Variants in PIK3CB observed in about 807,000 individuals in gnomAD.
PIK3CB encodes phosphatidylinositol 4,5-bisphosphate 3-kinase catalytic subunit beta isoform.
In PIK3CB, 39 loss-of-function variants were observed where a neutral mutation model predicts 136.8. The ratio of observed to expected loss-of-function variants is 0.29; its 90% CI spans 0.22 to 0.37. The LOEUF is 0.37. Among genes scored for constraint, PIK3CB ranks in the 10% least tolerant of loss-of-function variants. The pLI, the probability that PIK3CB is intolerant of heterozygous loss-of-function variation, is 1.00. For missense variants in PIK3CB, 868 were observed against 1,275.4 expected (o/e 0.68, Z 4.87); for synonymous variants, 428 against 436.6 (o/e 0.98, Z 0.25).
chr3:138,821,211 G>C (rs1013356330), intron 1 of PIK3CB, among the ~76,000 whole-genome samples: 9 of 151,774 alleles, frequency 5.9e-5, no homozygotes, highest in South Asian at 2.1e-4. Context: ...TTGAACCCGG[G>C]AGTCGGAAGT....
At chr3:138,730,745 A>G (rs1051321284) in intron 8 of PIK3CB, among the ~76,000 whole-genome samples, 1 of 152,138 alleles carries the variant, frequency 6.6e-6, no homozygotes, top group Non-Finnish European at 1.5e-5. Flanking sequence ...CAACATAGCA[A>G]GACCCTATCT....
At chr3:138,685,949 C>T (rs1049237427) in intron 16 of PIK3CB, among the ~76,000 whole-genome samples, 1 of 152,026 alleles carries the variant, frequency 6.6e-6, no homozygotes. Context: ...CCAGCCTGGC[C>T]AACATGGAGA....
chr3:138,693,966 T>TATATGTATATA (rs1457395869), intron 14 of PIK3CB, among the ~76,000 whole-genome samples: 2 of 42,406 alleles, frequency 4.7e-5, no homozygotes, highest in African/African-American at 2.7e-4. Context: ...TATATATATA[T>TATATGTATATA]TATATATATA....
chr3:138,719,778 AT>A (rs898405431), intron 8 of PIK3CB, among the ~76,000 whole-genome samples: 2 of 152,126 alleles, frequency 1.3e-5, no homozygotes, highest in Admixed American at 1.3e-4. Context: ...GAAATAATCA[AT>A]TTCATAGCTT....
chr3:138,668,880 C>T (rs2043468680), intron 19 of PIK3CB, among the ~76,000 whole-genome samples: 1 of 152,132 alleles, frequency 6.6e-6, no homozygotes, highest in Non-Finnish European at 1.5e-5. Flanking sequence ...CACCCTGCTT[C>T]TATGTGTATA....
intron 2 of PIK3CB, among the ~76,000 whole-genome samples, chr3:138,791,900 C>T (rs570195210): frequency 2.2e-4 from 34 of 152,286 alleles, no homozygotes; most frequent in African/African-American, 7.7e-4. Context: ...ACCTTAATGA[C>T]AATGGCAAAC....
Position 138,823,355 on chromosome 3 carries a change from G to GTATAA in PIK3CB, c.-122+11335_-122+11339dup, listed in dbSNP as rs1325136485. Among the ~76,000 whole-genome samples, 4 of 151,518 alleles carry GTATAA rather than the reference G, an allele frequency of 2.6e-5. No individual in the cohort carries two copies. In the East Asian group the frequency reaches 7.8e-4, roughly 29 times the overall value. ...ATTTAATGAAATATGAATAGTTATT[G>GTATAA]TATAACTATGAACACGTAACTTGTC... On this transcript the variant is annotated intron_variant, in intron 1 of 23. Coordinates refer to ENST00000674063, the MANE Select transcript of PIK3CB (RefSeq NM_006219.3).
chr3:138,687,095 A>G (rs2043910186), intron 16 of PIK3CB, among the ~76,000 whole-genome samples: 1 of 152,174 alleles, frequency 6.6e-6, no homozygotes, highest in African/African-American at 2.4e-5. Context: ...ACTTCCTGGA[A>G]CAGTGTCCTG....
intron 18 of PIK3CB, 74 bp from the exon 19 acceptor site, chr3:138,682,119 C>T: frequency 1.2e-6 from 1 of 836,322 alleles, no homozygotes; most frequent in Non-Finnish European, 2.0e-6. Context: ...TCAAGACTAA[C>T]TCAGAATTAA....
intron 2 of PIK3CB, among the ~76,000 whole-genome samples, chr3:138,768,007 A>C (rs900807161): frequency 3.3e-5 from 5 of 152,212 alleles, no homozygotes; most frequent in African/African-American, 9.6e-5. Context: ...CCAAGAATGA[A>C]GTACGCAGCC....
At chr3:138,734,935 G>T in intron 6 of PIK3CB, 131 bp from the exon 7 acceptor site, 14 of 366,294 alleles carry the variant, frequency 3.8e-5, no homozygotes, top group Non-Finnish European at 5.4e-5. Flanking sequence ...AGAATATCAA[G>T]AAATTAAAAA....
At chr3:138,758,929 A>G (rs1326419330) in intron 3 of PIK3CB, among the ~76,000 whole-genome samples, 9 of 152,188 alleles carry the variant, frequency 5.9e-5, no homozygotes, top group Non-Finnish European at 1.3e-4. Flanking sequence ...CACATTTTTA[A>G]AAGTGTGACA....
intron 2 of PIK3CB, among the ~76,000 whole-genome samples, chr3:138,777,083 G>C (rs1158203788): frequency 6.6e-6 from 1 of 152,080 alleles, no homozygotes; most frequent in Non-Finnish European, 1.5e-5. Context: ...GCACCTACTG[G>C]TGCTGCCTGC....
chr3:138,685,237 T>C (rs2043859075), intron 16 of PIK3CB: 1 of 152,992 alleles, frequency 6.5e-6, no homozygotes, highest in Admixed American at 6.5e-5. Context: ...CAAAAAGAAA[T>C]ACAAAAATTT....
chr3:138,766,220 AG>A (rs1173506935), intron 2 of PIK3CB, among the ~76,000 whole-genome samples: 2 of 152,200 alleles, frequency 1.3e-5, no homozygotes. Context: ...TGCTATTTTC[AG>A]GATAAGGCAT....
intron 2 of PIK3CB, among the ~76,000 whole-genome samples, chr3:138,769,598 A>T (rs1385899135): frequency 4.6e-5 from 7 of 152,220 alleles, no homozygotes; most frequent in Non-Finnish European, 1.0e-4. Flanking sequence ...ATACTCACAA[A>T]ATGTGGTGTT....
In PIK3CB at chr3:138,694,913, T is replaced by C. The variant is rs1210146944; in HGVS notation, c.1771-6A>G. 1 of 1,588,380 alleles carries C rather than the reference T, an allele frequency of 6.3e-7. No homozygotes were observed. The highest frequency in any genetic ancestry group is 8.5e-7 in the Non-Finnish European group (1 of 1,172,132). On this transcript the variant is annotated splice_region_variant and splice_polypyrimidine_tract_variant and intron_variant, in intron 13 of 23. Coordinates refer to ENST00000674063, the MANE Select transcript of PIK3CB (RefSeq NM_006219.3). Reference sequence around the variant, plus strand: ...ATCTGAAGCAGCGCCTGAAGCTGTTTAAAAAATGAAACTGGTTCAGAAATA... The same window carrying C: ...ATCTGAAGCAGCGCCTGAAGCTGTTCAAAAAATGAAACTGGTTCAGAAATA...
Position 138,816,167 on chromosome 3 carries a change from G to C in PIK3CB, c.-122+18528C>G, listed in dbSNP as rs138260582. Reference sequence around the variant, plus strand: ...AAAATACAAATATTAGCCAGGCATAGTGGCGCATGCCTGTGGTACCAGCTA... The same window carrying C: ...AAAATACAAATATTAGCCAGGCATACTGGCGCATGCCTGTGGTACCAGCTA... On this transcript the variant is annotated intron_variant, in intron 1 of 23. Transcript: ENST00000674063. Among the ~76,000 whole-genome samples, 9 of 152,246 alleles carry C rather than the reference G, an allele frequency of 5.9e-5. No individual in the cohort carries two copies. In the East Asian group the frequency reaches 1.4e-3, roughly 23 times the overall value.
chr3:138,746,288 G>T (rs1488546119), intron 4 of PIK3CB, among the ~76,000 whole-genome samples: 1 of 152,084 alleles, frequency 6.6e-6, no homozygotes, highest in Non-Finnish European at 1.5e-5. Context: ...ATGGCATCTG[G>T]GAACTCATCT....
Sources: gnomAD v4.1 joint callset for allele counts (sites outside exome capture counted in the v4.1 genomes callset) on GRCh38, gnomAD v4.1.1 for gene constraint, MANE v1.5 for transcripts, NCBI Gene and HGNC (gene_info 2026-07-23, HGNC 2026-07-21) for gene names.